SEMA6D: variants seen among roughly 807,000 people sequenced by gnomAD.
SEMA6D encodes semaphorin-6D.
A neutral mutation model predicts 106.6 loss-of-function variants in SEMA6D; 35 were observed. That is an observed-to-expected ratio of 0.33 (90% CI 0.25 to 0.44). The LOEUF (loss-of-function observed/expected upper bound fraction) is 0.44, where lower values mean the gene tolerates loss of function less well. SEMA6D is among the 20% of genes least tolerant of loss of function. The pLI is 1.00. For missense variants in SEMA6D, 1,185 were observed against 1,345.9 expected (o/e 0.88, Z 1.87); for synonymous variants, 499 against 487.7 (o/e 1.02, Z -0.31).
chr15:47,525,987 G>A (rs925948410), intron 3 of SEMA6D, among the ~76,000 whole-genome samples: 2 of 152,212 alleles, frequency 1.3e-5, no homozygotes, highest in African/African-American at 4.8e-5. Context: ...GCACCTGTTG[G>A]AGAACAGGGG....
chr15:47,297,388 A>G (rs143769763), intron 1 of SEMA6D, among the ~76,000 whole-genome samples: 1 of 152,260 alleles, frequency 6.6e-6, no homozygotes, highest in Non-Finnish European at 1.5e-5. Flanking sequence ...CAGTTTGTCT[A>G]GCCTTTTCAT....
intron 7 of SEMA6D, 49 bp downstream of exon 7, chr15:47,761,800 T>G: frequency 1.4e-6 from 2 of 1,449,450 alleles, no homozygotes; most frequent in Non-Finnish European, 1.9e-6. Flanking sequence ...ACATTGAAGG[T>G]GAAAAAGGAA....
intron 1 of SEMA6D, among the ~76,000 whole-genome samples, chr15:47,348,540 G>A (rs1214085517): frequency 6.6e-6 from 1 of 151,960 alleles, no homozygotes; most frequent in East Asian, 1.9e-4. Flanking sequence ...GATACCACAA[G>A]TGGAAAATTC....
At chr15:47,223,945 T>C (rs2031431810) in intron 1 of SEMA6D, among the ~76,000 whole-genome samples, 1 of 152,098 alleles carries the variant, frequency 6.6e-6, no homozygotes, top group African/African-American at 2.4e-5. Context: ...GTTTGCTATA[T>C]GGTTGTCATT....
At chr15:47,261,880 A>G (rs541885768) in intron 1 of SEMA6D, among the ~76,000 whole-genome samples, 104 of 151,978 alleles carry the variant, frequency 6.8e-4, no homozygotes, top group Non-Finnish European at 1.2e-3. Flanking sequence ...ATAATTTTTC[A>G]TTATATGAAT....
intron 4 of SEMA6D, among the ~76,000 whole-genome samples, chr15:47,653,379 G>A (rs550392382): frequency 2.3e-4 from 35 of 152,290 alleles, no homozygotes; most frequent in African/African-American, 8.4e-4. Context: ...AAAAAGCAGA[G>A]AAAATCGACT....
chr15:47,604,357 C>A lies in SEMA6D; in HGVS notation c.-55+3461C>A, dbSNP rs537793962. On this transcript the variant is annotated intron_variant, in intron 4 of 19. Transcript: ENST00000558014. ...AAAAAGACTCTACAATCCATCCGGT[C>A]CGATAAACTTAAGAGAAAAATAAAG... Among the ~76,000 whole-genome samples the A allele has an allele frequency of 3.3e-5, 5 of 152,268 alleles. No individual in the cohort carries two copies. In the East Asian group the frequency reaches 9.7e-4, roughly 29 times the overall value.
At chr15:47,513,804 C>T (rs1596205810) in intron 3 of SEMA6D, among the ~76,000 whole-genome samples, 1 of 152,184 alleles carries the variant, frequency 6.6e-6, no homozygotes, top group East Asian at 1.9e-4. Flanking sequence ...GGTGATTCTT[C>T]TCTATAACTT....
chr15:47,444,496 C>A (rs1228648216), intron 2 of SEMA6D, among the ~76,000 whole-genome samples: 1 of 152,010 alleles, frequency 6.6e-6, no homozygotes, highest in Non-Finnish European at 1.5e-5. Context: ...CTCCCTCAGT[C>A]CTTTGAGTAA....
chr15:47,571,554 A>G (rs1458097931), intron 3 of SEMA6D, among the ~76,000 whole-genome samples: 3 of 152,244 alleles, frequency 2.0e-5, no homozygotes, highest in Non-Finnish European at 4.4e-5. Flanking sequence ...TCTTCAATCC[A>G]GGTTTAAGAA....
intron 4 of SEMA6D, among the ~76,000 whole-genome samples, chr15:47,639,007 A>G (rs1003789131): frequency 1.3e-5 from 2 of 152,186 alleles, no homozygotes; most frequent in African/African-American, 4.8e-5. Context: ...ACATCCGTGC[A>G]CTATGTCTGT....
chr15:47,459,596 C>A (rs984610726), intron 2 of SEMA6D, among the ~76,000 whole-genome samples: 7 of 151,870 alleles, frequency 4.6e-5, no homozygotes, highest in Admixed American at 2.0e-4. Flanking sequence ...CAGTGGAAAT[C>A]AAAAATTCTG....
At chr15:47,278,670 A>G (rs2034955247) in intron 1 of SEMA6D, among the ~76,000 whole-genome samples, 1 of 151,950 alleles carries the variant, frequency 6.6e-6, no homozygotes, top group African/African-American at 2.4e-5. Context: ...TTGGTGTTTT[A>G]GACATGAAGT....
chr15:47,532,507 A>G (rs969785472), intron 3 of SEMA6D, among the ~76,000 whole-genome samples: 1 of 152,178 alleles, frequency 6.6e-6, no homozygotes, highest in Non-Finnish European at 1.5e-5. Context: ...TTTGGCTTAC[A>G]TTAAGCTTTG....
intron 3 of SEMA6D, among the ~76,000 whole-genome samples, chr15:47,496,814 A>T (rs72733850): frequency 1.1e-3 from 168 of 152,018 alleles, no homozygotes; most frequent in Non-Finnish European, 2.1e-3. Flanking sequence ...CACTCCTCTC[A>T]TCTAGCTGAT....
Position 47,304,433 on chromosome 15 carries a change from TAAAAAAAAAAAAAAAAAAAA to T in SEMA6D, c.-238-107943_-238-107924del, listed in dbSNP as rs56185341. On this transcript the variant is annotated intron_variant, in intron 1 of 19. Coordinates refer to the SEMA6D transcript ENST00000558014. ...TGCACTCCAGCCTGAGCCTTCTAAC[TAAAAAAAAAAAAAAAAAAAA>T]AAAAAAAAAAAAAAAATTCTCTTAG... Among the ~76,000 whole-genome samples, 376 of 93,840 alleles carry T rather than the reference TAAAAAAAAAAAAAAAAAAAA, an allele frequency of 4.0e-3. 3 individuals carry two copies. The highest frequency in any genetic ancestry group is 0.021 in the African/African-American group (340 of 16,352). The allele number at this position is 93,840 out of a possible 152,430, so 61.6% of individuals were successfully genotyped here.
At chr15:47,592,097 G>T (rs1467904948) in intron 3 of SEMA6D, among the ~76,000 whole-genome samples, 1 of 152,114 alleles carries the variant, frequency 6.6e-6, no homozygotes, top group Non-Finnish European at 1.5e-5. Flanking sequence ...CCCTAATCTA[G>T]GTCTCCAGCA....
At chr15:47,507,356 C>T (rs1052473250) in intron 3 of SEMA6D, among the ~76,000 whole-genome samples, 4 of 139,648 alleles carry the variant, frequency 2.9e-5, no homozygotes, top group East Asian at 2.4e-4. Flanking sequence ...CCCACCCCCC[C>T]GGGCCTTATA....
At chr15:47,209,921 C>A (rs1486134803) in intron 1 of SEMA6D, among the ~76,000 whole-genome samples, 8 of 152,198 alleles carry the variant, frequency 5.3e-5, no homozygotes, top group Admixed American at 4.6e-4. Flanking sequence ...GAATGACCAG[C>A]AGTTCTTGTA....
Sources: gnomAD v4.1 joint callset for allele counts (sites outside exome capture counted in the v4.1 genomes callset) on GRCh38, gnomAD v4.1.1 for gene constraint, MANE v1.5 for transcripts, NCBI Gene and HGNC (gene_info 2026-07-23, HGNC 2026-07-21) for gene names.